Variants in SNX25 observed in about 807,000 individuals in gnomAD.
The protein encoded by SNX25 is sorting nexin-25.
SNX25 carries 62 observed loss-of-function variants against 113.7 expected under a neutral mutation model. That is an observed-to-expected ratio of 0.55 (90% confidence interval 0.44 to 0.67). The LOEUF (loss-of-function observed/expected upper bound fraction) is 0.67. Among genes scored for constraint, SNX25 ranks in the 30% least tolerant of loss-of-function variants. The pLI, the probability that SNX25 is intolerant of heterozygous loss-of-function variation, is 0.00. For synonymous variants in SNX25, 421 were observed against 436.2 expected (o/e 0.97, Z 0.43); for missense variants, 1,014 against 1,161.0 (o/e 0.87, Z 1.84).
chr4:185,258,986 A>T lies in SNX25; in HGVS notation c.653A>T (p.Asp218Val). The T allele has an allele frequency of 6.2e-7, 1 of 1,614,192 alleles. No homozygotes were observed. The highest frequency in any genetic ancestry group is 8.5e-7 in the Non-Finnish European group (1 of 1,180,028). The change falls in exon 3 of 19, where the codon GAT becomes GTT. Residue 218 changes from aspartate (D) to valine (V), a missense_variant. Coordinates refer to ENST00000652585, the MANE Select transcript of SNX25 (RefSeq NM_001378034.2). ...CTGCACCACAGACTGAGTCACGTGG[A>T]TGTGGTTAAAGTTGTCTGCAATGAT... ...RQLHHRLSHV[D>V]VVKVVCNDVV...
In SNX25 at chr4:185,224,832, G is replaced by T. The variant is rs374414915; in HGVS notation, c.429+14577G>T. On this transcript the variant is annotated intron_variant, in intron 1 of 18. Transcript: ENST00000652585. ...TTTGGACATAACCCTTGTGGTCTTTGAGTGTTTTCTTGCTATGTGGTATAA... is the reference window on the plus strand; with the variant it reads ...TTTGGACATAACCCTTGTGGTCTTTTAGTGTTTTCTTGCTATGTGGTATAA... Among the ~76,000 whole-genome samples, 12 of 151,654 alleles carry T rather than the reference G, an allele frequency of 7.9e-5. No individual in the cohort carries two copies. The East Asian group carries it at 1.7e-3, about 22-fold the overall frequency.
chr4:185,308,568 T>C (rs535123736), intron 6 of SNX25, among the ~76,000 whole-genome samples: 1 of 152,204 alleles, frequency 6.6e-6, no homozygotes, highest in Non-Finnish European at 1.5e-5. Flanking sequence ...CAATACCTGA[T>C]ACATATTAGC....
At chr4:185,270,758 T>A (rs1441386700) in intron 5 of SNX25, among the ~76,000 whole-genome samples, 2 of 152,236 alleles carry the variant, frequency 1.3e-5, no homozygotes, top group African/African-American at 2.4e-5. Context: ...TCTGGACATT[T>A]CATGTAAATG....
Position 185,351,554 on chromosome 4 carries a change from T to C in SNX25, c.2411T>C (p.Phe804Ser). ...VIDVQGKKNS[F>S]SLSSFLERLP... ...GACGTGCAGGGGAAAAAAAATTCTTTTTCATTATCCTCATTTTTGGAAAGA... is the reference window on the plus strand; with the variant it reads ...GACGTGCAGGGGAAAAAAAATTCTTCTTCATTATCCTCATTTTTGGAAAGA... The change falls in exon 14 of 19, where the codon TTT (phenylalanine) becomes TCT (serine). Residue 804 changes from phenylalanine (F) to serine (S), a missense_variant. Coordinates refer to ENST00000652585, the MANE Select transcript of SNX25 (RefSeq NM_001378034.2). 1.2e-6 allele frequency: 2 copies of C among 1,614,196 alleles called. No homozygotes were observed. Among genetic ancestry groups the C allele is most frequent in the Non-Finnish European group, 1.7e-6 (2 of 1,180,038 alleles).
chr4:185,376,765 T>C, the SNX25 span: 10 of 611,516 alleles, frequency 1.6e-5, no homozygotes, highest in African/African-American at 1.5e-4. Context: ...CACTGTATCC[T>C]ACTGTTAAAG....
chr4:185,296,244 T>C (rs1752820361), intron 6 of SNX25, among the ~76,000 whole-genome samples: 3 of 152,158 alleles, frequency 2.0e-5, no homozygotes, highest in Non-Finnish European at 4.4e-5. Context: ...TCAACATGAA[T>C]TTTGGAGGGG....
intron 8 of SNX25, among the ~76,000 whole-genome samples, chr4:185,321,797 T>A (rs2095122442): frequency 6.6e-6 from 1 of 152,214 alleles, no homozygotes; most frequent in South Asian, 2.1e-4. Context: ...AAACTGCATC[T>A]GTACTGAACA....
intron 9 of SNX25, among the ~76,000 whole-genome samples, chr4:185,327,907 A>G (rs1306077466): frequency 3.9e-5 from 6 of 152,220 alleles, no homozygotes; most frequent in African/African-American, 1.2e-4. Flanking sequence ...TTCGGCAGAG[A>G]TAAGTATGAA....
At chr4:185,374,103 T>C (rs1471419585), downstream of SNX25, 1 of 1,547,246 alleles carries the variant, frequency 6.5e-7, no homozygotes, top group East Asian at 2.2e-5. Flanking sequence ...AATCTAAATA[T>C]AACACTAGCA....
At position 185,278,028 on chromosome 4, in the gene SNX25, G is replaced by A. The variant is rs1273310762; in HGVS notation, c.1092-9984G>A. Among the ~76,000 whole-genome samples the A allele has an allele frequency of 2.0e-5, 3 of 151,452 alleles. 1 individual carries two copies. Among genetic ancestry groups the A allele is most frequent in the Non-Finnish European group, 4.4e-5 (3 of 67,902 alleles). ...ATTACAGGCGTGAGCCACCGCGCCC[G>A]GCCTTATTACCTTTTAAAAAATAAA... On this transcript the variant is annotated intron_variant, in intron 5 of 18. Coordinates refer to ENST00000652585, the MANE Select transcript of SNX25 (RefSeq NM_001378034.2).
At chr4:185,327,929 G>A (rs774806686) in intron 9 of SNX25, among the ~76,000 whole-genome samples, 5 of 152,170 alleles carry the variant, frequency 3.3e-5, no homozygotes, top group Non-Finnish European at 7.3e-5. Context: ...TTGCTTGATC[G>A]ATAAATGCAA....
In SNX25 at chr4:185,277,833, C is replaced by T. The variant is rs561947517; in HGVS notation, c.1092-10179C>T. 3.5e-4 allele frequency among the ~76,000 whole-genome samples: 29 copies of T among 83,980 alleles called. 8 individuals are homozygous for T. Among genetic ancestry groups the T allele is most frequent in the South Asian group, 1.2e-3 (2 of 1,704 alleles). The allele number at this position is 83,980 out of a possible 152,430, so 55.1% of individuals were successfully genotyped here. A position where few individuals can be genotyped will look rare whatever the true frequency, so the allele number is the denominator to read the frequency against. ...CTGCAAGCTCCGCCTCCCGGGTTCA[C>T]GCCATTCTCCTGCCTCAGCCTCCCA... On this transcript the variant is annotated intron_variant, in intron 5 of 18. Transcript: ENST00000652585.
chr4:185,374,925 C>T (rs2095428135), downstream of SNX25, among the ~76,000 whole-genome samples: 1 of 152,076 alleles, frequency 6.6e-6, no homozygotes, highest in Non-Finnish European at 1.5e-5. Flanking sequence ...ACTGTGTGCT[C>T]ATAGTTTGTA....
intron 4 of SNX25, 68 bp from the exon 5 acceptor site, chr4:185,266,901 G>A: frequency 6.8e-7 from 1 of 1,467,748 alleles, no homozygotes; most frequent in Non-Finnish European, 9.3e-7. Context: ...TCTCAGTTAT[G>A]TGATACATAA....
intron 5 of SNX25, among the ~76,000 whole-genome samples, chr4:185,286,043 A>G (rs1751307554): frequency 6.6e-6 from 1 of 151,150 alleles, no homozygotes. Flanking sequence ...CTCCCTAAGT[A>G]TTGGGATTAT....
chr4:185,319,113 T>TA (rs1561007477), intron 7 of SNX25, among the ~76,000 whole-genome samples: 1 of 149,804 alleles, frequency 6.7e-6, no homozygotes, highest in African/African-American at 2.4e-5. Flanking sequence ...TTTTTTTTTT[T>TA]AAAGGACATA....
At chr4:185,335,314 TCTCA>T (rs1161093774) in intron 10 of SNX25, among the ~76,000 whole-genome samples, 54 of 74,130 alleles carry the variant, frequency 7.3e-4, no homozygotes, top group African/African-American at 1.7e-3. Flanking sequence ...AGTGAAAAAG[TCTCA>T]CACACACACA....
intron 6 of SNX25, among the ~76,000 whole-genome samples, chr4:185,302,654 G>A (rs112671256): frequency 0.047 from 7,225 of 152,258 alleles, 217 homozygotes; most frequent in South Asian, 0.066. Context: ...GATGTGGTGC[G>A]GAGACGCCGA....
intron 13 of SNX25, 143 bp from the exon 14 acceptor site, chr4:185,351,302 A>T: frequency 1.3e-6 from 1 of 786,078 alleles, no homozygotes; most frequent in East Asian, 2.5e-5. Context: ...AGTTTGTTTC[A>T]GGGGGAAAGG....
Sources: allele counts gnomAD v4.1 joint callset (sites outside exome capture counted in the v4.1 genomes callset), GRCh38; gene constraint gnomAD v4.1.1; transcripts MANE v1.5; gene names NCBI Gene and HGNC (gene_info 2026-07-23, HGNC 2026-07-21).